Variants in ZNF415 observed in about 807,000 individuals in gnomAD.
ZNF415 encodes the protein zinc finger protein 415.
A neutral mutation model predicts 7.3 loss-of-function variants in ZNF415; 5 were observed. The observed-to-expected ratio is 0.69, with a 90% CI of 0.36 to 1.44. The LOEUF is 1.44. Among genes scored for constraint, ZNF415 ranks in the 40% most tolerant of loss-of-function variants. The pLI is 0.04. For missense variants in ZNF415, 628 were observed against 664.8 expected (o/e 0.94, Z 0.61); for synonymous variants, 207 against 226.3 (o/e 0.91, Z 0.77).
chr19:53,115,641 T>C (rs2086900562), intron 3 of ZNF415: 4 of 1,283,214 alleles, frequency 3.1e-6, no homozygotes, highest in Non-Finnish European at 4.4e-6. Context: ...CTCTCCCACT[T>C]GCTAAGAGTT....
At chr19:53,122,536 G>A (rs574489915) in intron 2 of ZNF415, 126 bp downstream of exon 2, 18 of 1,600,102 alleles carry the variant, frequency 1.1e-5, no homozygotes, top group East Asian at 2.2e-5. Flanking sequence ...GAAGGCACGG[G>A]TCAATGTGAG....
intron 1 of ZNF415, among the ~76,000 whole-genome samples, chr19:53,127,879 AAAAAAAAAAAG>A (rs2089456284): frequency 7.4e-6 from 1 of 135,674 alleles, no homozygotes; most frequent in East Asian, 1.9e-4. Context: ...CCGTCTCAAA[AAAAAAAAAAAG>A]AAAAAGAAAA....
intron 2 of ZNF415, among the ~76,000 whole-genome samples, chr19:53,116,918 G>C (rs1028041271): frequency 6.6e-6 from 1 of 152,096 alleles, no homozygotes; most frequent in African/African-American, 2.4e-5. Context: ...GTGACATATG[G>C]GGCAGGCACC....
At chr19:53,109,997 A>G (rs1216785938) in intron 3 of ZNF415, 89 bp from the exon 4 acceptor site, 4 of 1,026,734 alleles carry the variant, frequency 3.9e-6, no homozygotes, top group African/African-American at 1.7e-5. Context: ...ACAAAAAGCA[A>G]CATTTATATA....
intron 1 of ZNF415, among the ~76,000 whole-genome samples, chr19:53,132,553 C>A (rs912816264): frequency 6.6e-6 from 1 of 152,072 alleles, no homozygotes; most frequent in African/African-American, 2.4e-5. Context: ...CCGACGAGGG[C>A]AAGGCTGGGA....
Position 53,116,414 on chromosome 19 carries a change from G to A in ZNF415, c.35C>T (p.Ala12Val). The A allele has an allele frequency of 6.2e-7, 1 of 1,614,048 alleles. No individual in the cohort carries two copies. Among genetic ancestry groups the A allele is most frequent in the Non-Finnish European group, 8.5e-7 (1 of 1,179,986 alleles). Residue 12 changes from alanine (A) to valine (V), a missense_variant, in exon 3 of 4, where the codon GCC (alanine) becomes GTC (valine). Ala to Val is a moderately conservative substitution (Grantham distance 64, BLOSUM62 0). Coordinates refer to ENST00000243643, the MANE Select transcript of ZNF415 (RefSeq NM_018355.4). The stretch of plus-strand genomic sequence containing the variant: ...CCACTCATCTTGAGAGAATTCGATG[G>A]CCACGTCCCTGAATGTCAACTGTCC... ...AFTQLTFRDV[A>V]IEFSQDEWKC...
chr19:53,121,384 C>CA (rs773591699), intron 2 of ZNF415, among the ~76,000 whole-genome samples: 290 of 79,946 alleles, frequency 3.6e-3, no homozygotes, highest in Middle Eastern at 8.9e-3. Flanking sequence ...GACTCCGTCT[C>CA]AAAAAAAAAA....
At chr19:53,129,255 T>G (rs2584259) in intron 1 of ZNF415, among the ~76,000 whole-genome samples, 88,213 of 151,392 alleles carry the variant, frequency 0.58, 26,000 homozygotes, top group Middle Eastern at 0.64. Flanking sequence ...GGCTGGACAC[T>G]GGCAGGGGCC....
At chr19:53,124,938 G>A (rs1158258327) in intron 1 of ZNF415, among the ~76,000 whole-genome samples, 1 of 152,136 alleles carries the variant, frequency 6.6e-6, no homozygotes, top group Non-Finnish European at 1.5e-5. Flanking sequence ...AGCTACACAG[G>A]GACAGAAGCA....
At chr19:53,125,090 T>C (rs1031445100) in intron 1 of ZNF415, among the ~76,000 whole-genome samples, 1 of 151,952 alleles carries the variant, frequency 6.6e-6, no homozygotes, top group Non-Finnish European at 1.5e-5. Context: ...TGTCACCAGG[T>C]TGGAGTGCAG....
chr19:53,113,432 G>A (rs369496083), intron 3 of ZNF415, among the ~76,000 whole-genome samples: 2 of 30,350 alleles, frequency 6.6e-5, no homozygotes, highest in South Asian at 2.9e-3. Flanking sequence ...GCGTGAACCC[G>A]GGAGGCGGAG....
chr19:53,110,019 T>C (rs965720164), intron 3 of ZNF415, 111 bp from the exon 4 acceptor site: 3 of 815,726 alleles, frequency 3.7e-6, no homozygotes, highest in African/African-American at 1.8e-5. Flanking sequence ...AACAGAGTTA[T>C]AAAACTTCCC....
At position 53,109,791 on chromosome 19, in the gene ZNF415, C is replaced by A. The variant is rs749057405; in HGVS notation, c.254G>T (p.Cys85Phe). Reference protein sequence around the residue: ...QHEKHDIEEFCFREIKKKIHD... With the variant: ...QHEKHDIEEFFFREIKKKIHD... Reference sequence around the variant, plus strand: ...TATTTTTTTCTTGATTTCCCTGAAGCAAAACTCTTCAATGTCATGTTTTTC... The same window carrying A: ...TATTTTTTTCTTGATTTCCCTGAAGAAAAACTCTTCAATGTCATGTTTTTC... The change falls in exon 4 of 4, where the codon TGC becomes TTC. Residue 85 changes from cysteine (C) to phenylalanine (F), a missense_variant. Transcript: ENST00000243643. 1 of 1,613,996 alleles carries A rather than the reference C, an allele frequency of 6.2e-7. No individual in the cohort carries two copies. Among genetic ancestry groups the A allele is most frequent in the East Asian group, 2.2e-5 (1 of 44,862 alleles).
At chr19:53,111,666 C>T (rs916561426) in intron 3 of ZNF415, among the ~76,000 whole-genome samples, 25 of 151,902 alleles carry the variant, frequency 1.6e-4, no homozygotes, top group Non-Finnish European at 4.4e-5. Context: ...TCTTATGGCA[C>T]GATGAGTTAT....
rs772350209 is a variant in ZNF415 at position 53,108,372 on chromosome 19, C to A, written c.*5G>T. ...ATTTAAACTTTGACTGAAGACCTTG[C>A]CATATTAATTTCTTTTATAAGGTTT... is the stretch of plus-strand genomic sequence containing the variant. On this transcript the variant is annotated 3_prime_UTR_variant, in exon 4 of 4. Transcript: ENST00000243643. The A allele has an allele frequency of 6.9e-6, 11 of 1,591,218 alleles. No individual in the cohort carries two copies. Among genetic ancestry groups the A allele is most frequent in the Non-Finnish European group, 2.6e-6 (3 of 1,169,462 alleles).
chr19:53,113,852 C>G (rs2086615702), intron 3 of ZNF415, among the ~76,000 whole-genome samples: 1 of 152,214 alleles, frequency 6.6e-6, no homozygotes, highest in Non-Finnish European at 1.5e-5. Context: ...GTGTCCAGCG[C>G]TGTCACAGTG....
chr19:53,126,829 G>A (rs1418553077), intron 1 of ZNF415, among the ~76,000 whole-genome samples: 2 of 101,864 alleles, frequency 2.0e-5, no homozygotes, highest in African/African-American at 6.6e-5. Flanking sequence ...TCCAGTTCCT[G>A]CGTCTCCCTG....
At chr19:53,121,059 G>C (rs998620139) in intron 2 of ZNF415, among the ~76,000 whole-genome samples, 12 of 136,106 alleles carry the variant, frequency 8.8e-5, no homozygotes, top group African/African-American at 3.3e-4. Flanking sequence ...ACTCCAGCCT[G>C]GGTGACAGAG....
intron 2 of ZNF415, 190 bp downstream of exon 2, chr19:53,122,472 A>T (rs555943620): frequency 6.4e-7 from 1 of 1,552,334 alleles, no homozygotes; most frequent in Admixed American, 1.9e-5. Context: ...TCAGAAGTTC[A>T]TGTCACAGGG....
Sources: gnomAD v4.1 joint callset for allele counts (sites outside exome capture counted in the v4.1 genomes callset) on GRCh38, gnomAD v4.1.1 for gene constraint, MANE v1.5 for transcripts, NCBI Gene and HGNC (gene_info 2026-07-23, HGNC 2026-07-21) for gene names.